Variants in PCDHGA5 observed in about 807,000 individuals in gnomAD.
PCDHGA5 encodes the protein protocadherin gamma-A5.
Under a neutral mutation model 56.7 loss-of-function variants are expected in PCDHGA5, and 36 were observed. The observed-to-expected ratio is 0.64, with a 90% CI of 0.49 to 0.84. PCDHGA5 has a LOEUF of 0.84. Ranked by LOEUF, PCDHGA5 falls within the 40% of genes least tolerant of loss-of-function variation. PCDHGA5 has a pLI of 0.00. For synonymous variants in PCDHGA5, 563 were observed against 520.2 expected (o/e 1.08, Z -1.12); for missense variants, 1,305 against 1,201.5 (o/e 1.09, Z -1.27).
intron 1 of PCDHGA5, chr5:141,370,260 C>T (rs2149959480): frequency 1.4e-6 from 1 of 735,774 alleles, no homozygotes; most frequent in Non-Finnish European, 2.1e-6. Context: ...TATCAGGCTT[C>T]CTGCAGCGGA....
In PCDHGA5 at chr5:141,476,042, T is replaced by C. The variant is rs199923442; in HGVS notation, c.2422-18765T>C. On this transcript the variant is annotated intron_variant, in intron 1 of 3. Coordinates refer to ENST00000518069, the MANE Select transcript of PCDHGA5 (RefSeq NM_018918.3). The surrounding 1 kb of genome is among the most constrained non-coding windows in gnomAD (Gnocchi z 7.6). Reference sequence around the variant, plus strand: ...GACTCGGCGCCCAGCGCCCAAGCGCTAACCCGCTGAAAGTTTCTCAGCGAA... The same window carrying C: ...GACTCGGCGCCCAGCGCCCAAGCGCCAACCCGCTGAAAGTTTCTCAGCGAA... 1.4e-5 allele frequency: 21 copies of C among 1,491,832 alleles called. No individual in the cohort carries two copies. The highest frequency in any genetic ancestry group is 2.7e-6 in the Non-Finnish European group (3 of 1,123,808). 92.4% of individuals were successfully genotyped at this position (1,491,832 alleles called of 1,614,324 possible). A position where few individuals can be genotyped will look rare whatever the true frequency, so the allele number is the denominator to read the frequency against.
At position 141,477,379 on chromosome 5, in the gene PCDHGA5, A is replaced by T; in HGVS notation, c.2422-17428A>T. Reference sequence around the variant, plus strand: ...CAGACCTGGATCGGGAGACTGTGCCAGAATACAACCTCAGCATCACCGCCC... The same window carrying T: ...CAGACCTGGATCGGGAGACTGTGCCTGAATACAACCTCAGCATCACCGCCC... On this transcript the variant is annotated intron_variant, in intron 1 of 3. Transcript: ENST00000518069. The surrounding 1 kb of genome is among the most constrained non-coding windows in gnomAD (Gnocchi z 4.9). 1.2e-6 allele frequency: 2 copies of T among 1,614,184 alleles called. No individual in the cohort carries two copies. The highest frequency in any genetic ancestry group is 1.7e-6 in the Non-Finnish European group (2 of 1,180,034).
chr5:141,486,728 G>T lies in PCDHGA5; in HGVS notation c.2422-8079G>T. On this transcript the variant is annotated intron_variant, in intron 1 of 3. Coordinates refer to ENST00000518069, the MANE Select transcript of PCDHGA5 (RefSeq NM_018918.3). This position sits in a 1 kb window ranked among gnomAD's most constrained non-coding sequence, Gnocchi z 5.0. Reference sequence around the variant, plus strand: ...GAACCCCCAGACAGGAGCTGTTCATGCTACTCGATCCTTTGACTATGAGCA... The same window carrying T: ...GAACCCCCAGACAGGAGCTGTTCATTCTACTCGATCCTTTGACTATGAGCA... The T allele has an allele frequency of 6.2e-7, 1 of 1,614,200 alleles. No individual in the cohort carries two copies. The highest frequency in any genetic ancestry group is 8.5e-7 in the Non-Finnish European group (1 of 1,180,052).
At position 141,372,796 on chromosome 5, in the gene PCDHGA5, G is replaced by A. The variant is rs1466519427; in HGVS notation, c.2421+6045G>A. ...AATCCAGAAATGCCTTCTAATTCAG[G>A]CAATTTGCAAAAGGTGAGTTTCTTC... On this transcript the variant is annotated intron_variant, in intron 1 of 3. Coordinates refer to ENST00000518069, the MANE Select transcript of PCDHGA5 (RefSeq NM_018918.3). 7.5e-6 allele frequency: 12 copies of A among 1,597,700 alleles called. No individual in the cohort carries two copies. Among genetic ancestry groups the A allele is most frequent in the Non-Finnish European group, 1.0e-5 (12 of 1,171,762 alleles).
chr5:141,479,521 T>A (rs4912607), intron 1 of PCDHGA5: 2 of 152,104 alleles, frequency 1.3e-5, no homozygotes, highest in Non-Finnish European at 2.9e-5. Context: ...CTGGCCCAGG[T>A]TGGAAGTGGA....
In PCDHGA5 at chr5:141,410,160, C is replaced by T. The variant is rs767993789; in HGVS notation, c.2421+43409C>T. ...GCTGTGCGTGACGGTGGACAGCCGC[C>T]ACTCTCTGCCACCGCCACGCTTCAT... On this transcript the variant is annotated intron_variant, in intron 1 of 3. Transcript: ENST00000518069. 100 of 1,613,580 alleles carry T rather than the reference C, an allele frequency of 6.2e-5. No individual in the cohort carries two copies. In the Middle Eastern group the frequency reaches 2.1e-3, roughly 34 times the overall value.
At chr5:141,427,067 G>A (rs1170378664) in intron 1 of PCDHGA5, 1 of 457,930 alleles carries the variant, frequency 2.2e-6, no homozygotes, top group Non-Finnish European at 4.4e-6. Context: ...CTGTACTAAA[G>A]GTGACAGCCA....
intron 1 of PCDHGA5, chr5:141,390,108 A>G (rs1450933158): frequency 6.2e-7 from 1 of 1,614,030 alleles, no homozygotes; most frequent in Non-Finnish European, 8.5e-7. Context: ...CCCCAACTAC[A>G]GCGAGGGGAC....
rs373961637 is a variant in PCDHGA5, at chr5:141,366,765, T to C, written c.2421+14T>C. ...CGGCGAGTTCAGGTTAGTTTTCTCT[T>C]TCGGTAAGGATGACCAGAACATTTT... On this transcript the variant is annotated intron_variant, in intron 1 of 3. Transcript: ENST00000518069. The C allele has an allele frequency of 5.2e-5, 83 of 1,604,590 alleles. No individual in the cohort carries two copies. The highest frequency in any genetic ancestry group is 6.9e-5 in the Non-Finnish European group (81 of 1,173,412).
At position 141,393,088 on chromosome 5, in the gene PCDHGA5, G is replaced by T. The variant is rs760420305; in HGVS notation, c.2421+26337G>T. ...TTGATCACCGCGGGCAGGATAGATCGGGAGGAGCTCTGCGCTCAGAGCCCG... is the reference window on the plus strand; with the variant it reads ...TTGATCACCGCGGGCAGGATAGATCTGGAGGAGCTCTGCGCTCAGAGCCCG... On this transcript the variant is annotated intron_variant, in intron 1 of 3. Transcript: ENST00000518069. 3.7e-6 allele frequency: 6 copies of T among 1,613,530 alleles called. No homozygotes were observed. In the East Asian group the frequency reaches 1.3e-4, roughly 36 times the overall value.
At chr5:141,421,508 A>G (rs780491148) in intron 1 of PCDHGA5, 1 of 1,614,046 alleles carries the variant, frequency 6.2e-7, no homozygotes, top group Non-Finnish European at 8.5e-7. Flanking sequence ...ATAGACCGGG[A>G]GGAGCTCTGT....
chr5:141,382,921 G>A, intron 1 of PCDHGA5: 2 of 1,560,324 alleles, frequency 1.3e-6, no homozygotes, highest in South Asian at 1.2e-5. Flanking sequence ...GCCGAGGGGC[G>A]GGGACTACAG....
intron 1 of PCDHGA5, chr5:141,404,979 G>A (rs771576875): frequency 6.2e-7 from 1 of 1,613,994 alleles, no homozygotes; most frequent in Non-Finnish European, 8.5e-7. Context: ...GCTGACCTGG[G>A]CAGTCTTCAG....
chr5:141,453,926 T>C (rs1274875429), intron 1 of PCDHGA5, among the ~76,000 whole-genome samples: 1 of 152,256 alleles, frequency 6.6e-6, no homozygotes, highest in Non-Finnish European at 1.5e-5. Flanking sequence ...GATCAGTCAC[T>C]GTGTGCCTAT....
intron 1 of PCDHGA5, chr5:141,393,206 A>T: frequency 6.2e-7 from 1 of 1,613,588 alleles, no homozygotes; most frequent in East Asian, 2.2e-5. Context: ...ATAATAACCC[A>T]AAATTCCAGG....
intron 1 of PCDHGA5, chr5:141,414,115 G>A: frequency 6.3e-7 from 1 of 1,591,952 alleles, no homozygotes; most frequent in Middle Eastern, 1.7e-4. Flanking sequence ...TCTAGATTAT[G>A]AAGAAACCGG....
At chr5:141,495,437 C>T (rs2099761356) in intron 2 of PCDHGA5, among the ~76,000 whole-genome samples, 1 of 152,178 alleles carries the variant, frequency 6.6e-6, no homozygotes, top group East Asian at 1.9e-4. Flanking sequence ...GTCCTCTGCC[C>T]CTACTTGTCC....
intron 1 of PCDHGA5, among the ~76,000 whole-genome samples, chr5:141,438,585 TACATAC>T (rs201018754): frequency 0.16 from 9,805 of 59,734 alleles, 612 homozygotes; most frequent in African/African-American, 0.28. Context: ...CATACATACA[TACATAC>T]ATATATATAT....
rs2094486958 is a variant in PCDHGA5, at chr5:141,404,117, A to C, written c.2421+37366A>C. 3 of 1,613,468 alleles carry C rather than the reference A, an allele frequency of 1.9e-6. No homozygotes were observed. Among genetic ancestry groups the C allele is most frequent in the Non-Finnish European group, 1.7e-6 (2 of 1,179,548 alleles). On this transcript the variant is annotated intron_variant, in intron 1 of 3. Coordinates refer to ENST00000518069, the MANE Select transcript of PCDHGA5 (RefSeq NM_018918.3). ...TCAAGTTGTCTGTTCTATCCAGGAG[A>C]ATCTATCTTTTACATTAGAAAATTC...
Sources: gnomAD v4.1 joint callset for allele counts (sites outside exome capture counted in the v4.1 genomes callset) on GRCh38, gnomAD v4.1.1 for gene constraint, Gnocchi (gnomAD v3.1) non-coding constraint, MANE v1.5 for transcripts, NCBI Gene and HGNC (gene_info 2026-07-23, HGNC 2026-07-21) for gene names.